ZNF462: variants seen among roughly 807,000 people sequenced by gnomAD.
ZNF462 encodes zinc finger PBX1-interacting protein.
Under a neutral mutation model 201.9 loss-of-function variants are expected in ZNF462, and 10 were observed. The ratio of observed to expected loss-of-function variants is 0.05; its 90% CI spans 0.03 to 0.08. ZNF462 has a LOEUF of 0.08. ZNF462 is among the 10% of genes least tolerant of loss of function. The pLI is 1.00. For synonymous variants in ZNF462, 1,227 were observed against 1,193.3 expected (o/e 1.03, Z -0.58); for missense variants, 2,523 against 3,168.3 (o/e 0.80, Z 4.89).
chr9:106,939,132 A>T (rs774173642), intron 7 of ZNF462, 25 bp downstream of exon 7: 1 of 1,560,938 alleles, frequency 6.4e-7, no homozygotes, highest in Non-Finnish European at 8.7e-7. Flanking sequence ...CCAAGCTGGA[A>T]TTAACCACTC....
rs1015818944 is a variant in ZNF462 at position 106,923,017 on chromosome 9, C to T, written c.-30-337C>T. On this transcript the variant is annotated intron_variant, in intron 1 of 12. Transcript: ENST00000277225. This position sits in a 1 kb window ranked among gnomAD's most constrained non-coding sequence, Gnocchi z 5.6. ...GAGTCCAAGGCAGAACCAAAGCCAA[C>T]ATTAAGTTACCAAGAAATTTGGATT... 6.6e-6 allele frequency among the ~76,000 whole-genome samples: 1 copy of T among 152,204 alleles called. No individual in the cohort carries two copies. The highest frequency in any genetic ancestry group is 2.4e-5 in the African/African-American group (1 of 41,448).
rs1334577095 is a variant in ZNF462 at position 106,981,948 on chromosome 9, G to A, written c.6833-2238G>A. On this transcript the variant is annotated intron_variant, in intron 9 of 12. Coordinates refer to ENST00000277225, the MANE Select transcript of ZNF462 (RefSeq NM_021224.6). The surrounding 1 kb of genome is among the most constrained non-coding windows in gnomAD (Gnocchi z 4.0). ...AAAGAATGAAAGTAGAAACAGTAGA[G>A]ATGATAACATATAAATGAGGAACTA... is the stretch of plus-strand genomic sequence containing the variant. Among the ~76,000 whole-genome samples the A allele has an allele frequency of 1.3e-5, 2 of 152,192 alleles. No homozygotes were observed. Among genetic ancestry groups the A allele is most frequent in the Non-Finnish European group, 2.9e-5 (2 of 68,034 alleles).
In ZNF462 at chr9:106,950,550, T is replaced by C. The variant is rs778485331; in HGVS notation, c.6427+11443T>C. 2.6e-5 allele frequency among the ~76,000 whole-genome samples: 4 copies of C among 152,178 alleles called. No homozygotes were observed. Among genetic ancestry groups the C allele is most frequent in the Non-Finnish European group, 2.9e-5 (2 of 68,022 alleles). ...TGAGGAAATTCACATCTACCTTGCA[T>C]GTAAGCAAGAGTAATGCCATCAATA... On this transcript the variant is annotated intron_variant, in intron 7 of 12. Coordinates refer to ENST00000277225, the MANE Select transcript of ZNF462 (RefSeq NM_021224.6). The surrounding 1 kb of genome is among the most constrained non-coding windows in gnomAD (Gnocchi z 4.1).
Position 106,925,459 on chromosome 9 carries a change from G to A in ZNF462, c.1547G>A (p.Gly516Asp). 1 of 1,614,156 alleles carries A rather than the reference G, an allele frequency of 6.2e-7. No homozygotes were observed. Residue 516 changes from glycine to aspartate, a missense_variant, in exon 3 of 13, where the codon GGT (glycine) becomes GAT (aspartate). Transcript: ENST00000277225. This position sits in a 1 kb window ranked among gnomAD's most constrained non-coding sequence, Gnocchi z 7.9. ...SESISSSLNEGVVSYESSSIN... is the reference protein window; with the variant it reads ...SESISSSLNEDVVSYESSSIN... ...AGCATTTCTTCCTCACTGAATGAAG[G>A]TGTGGTGTCTTATGAGAGCTCAAGC... is the stretch of plus-strand genomic sequence containing the variant.
intron 7 of ZNF462, among the ~76,000 whole-genome samples, chr9:106,965,960 C>T (rs1246093248): frequency 6.6e-6 from 1 of 152,056 alleles, no homozygotes; most frequent in South Asian, 2.1e-4. Flanking sequence ...TGCCCTCTTA[C>T]CTTTGTTTGT....
chr9:106,925,157 G>A lies in ZNF462; in HGVS notation c.1245G>A (p.Gln415=), dbSNP rs1830139687. The A allele has an allele frequency of 2.5e-6, 4 of 1,614,218 alleles. 1 individual carries two copies. In the South Asian group the frequency reaches 4.4e-5, roughly 18 times the overall value. The change falls in exon 3 of 13, where the codon CAG becomes CAA. Residue 415 remains glutamine, a synonymous_variant. Transcript: ENST00000277225. This position sits in a 1 kb window ranked among gnomAD's most constrained non-coding sequence, Gnocchi z 7.9. ...DHQTSGLSAE[Q]LMGSDGNKLL... ...AGACATCAGGCCTGTCTGCAGAGCAGCTGATGGGCTCAGATGGCAACAAAT... is the reference window on the plus strand; with the variant it reads ...AGACATCAGGCCTGTCTGCAGAGCAACTGATGGGCTCAGATGGCAACAAAT...
At chr9:106,864,095 T>TCC (rs1564062729) in intron 1 of ZNF462, among the ~76,000 whole-genome samples, 8 of 113,642 alleles carry the variant, frequency 7.0e-5, no homozygotes, top group African/African-American at 2.5e-4. Flanking sequence ...TCTCTCTCTC[T>TCC]CTCTCTCTCT....
rs1438396362 is a variant in ZNF462 at position 106,884,114 on chromosome 9, C to T, written c.-31+20759C>T. 2.0e-5 allele frequency among the ~76,000 whole-genome samples: 3 copies of T among 152,252 alleles called. 1 individual carries two copies. Among genetic ancestry groups the T allele is most frequent in the Non-Finnish European group, 2.9e-5 (2 of 68,012 alleles). Reference sequence around the variant, plus strand: ...AACCAGGCTGATCTTCAGAATTATTCTGAGAACTTAGAAACAAAAAGGGAT... The same window carrying T: ...AACCAGGCTGATCTTCAGAATTATTTTGAGAACTTAGAAACAAAAAGGGAT... On this transcript the variant is annotated intron_variant, in intron 1 of 12. Coordinates refer to ENST00000277225, the MANE Select transcript of ZNF462 (RefSeq NM_021224.6).
Position 106,863,552 on chromosome 9 carries a change from A to AG in ZNF462, c.-31+200dup, listed in dbSNP as rs1733194157. On this transcript the variant is annotated intron_variant, in intron 1 of 12. Coordinates refer to ENST00000277225, the MANE Select transcript of ZNF462 (RefSeq NM_021224.6). ...GAGAGAGAAGAGGAGGAGGGGGAGGAGGGAGAGCAGGAGGGGGAGGAGGAA... is the reference window on the plus strand; with the variant it reads ...GAGAGAGAAGAGGAGGAGGGGGAGGAGGGGAGAGCAGGAGGGGGAGGAGGAA... Among the ~76,000 whole-genome samples the AG allele has an allele frequency of 2.3e-5, 3 of 133,256 alleles. No homozygotes were observed. The South Asian group carries it at 8.0e-4, about 36-fold the overall frequency. The allele number at this position is 133,256 out of a possible 152,430, so 87.4% of individuals were successfully genotyped here. A position where few individuals can be genotyped will look rare whatever the true frequency, so the allele number is the denominator to read the frequency against.
chr9:106,921,965 C>G (rs1286718823), intron 1 of ZNF462, among the ~76,000 whole-genome samples: 5 of 152,194 alleles, frequency 3.3e-5, no homozygotes, highest in Admixed American at 3.3e-4. Flanking sequence ...CTGCGGCTCA[C>G]TCTGCAAGCT....
chr9:106,998,125 C>G (rs1828881510), intron 10 of ZNF462, among the ~76,000 whole-genome samples: 1 of 152,158 alleles, frequency 6.6e-6, no homozygotes, highest in African/African-American at 2.4e-5. Context: ...GCTGCACATT[C>G]TTTTTAACAT....
At chr9:106,863,546 G>C (rs1179740863) in intron 1 of ZNF462, among the ~76,000 whole-genome samples, 191 bp downstream of exon 1, 2 of 150,754 alleles carry the variant, frequency 1.3e-5, no homozygotes, top group Non-Finnish European at 3.0e-5. Flanking sequence ...GAGGAGGAGG[G>C]GGAGGAGGGA....
rs529136417 is a variant in ZNF462 at position 106,924,076 on chromosome 9, T to C, written c.221-57T>C. 17 of 1,403,424 alleles carry C rather than the reference T, an allele frequency of 1.2e-5. No individual in the cohort carries two copies. Among genetic ancestry groups the C allele is most frequent in the Middle Eastern group, 1.8e-4 (1 of 5,430 alleles). The allele number at this position is 1,403,424 out of a possible 1,614,324, so 86.9% of individuals were successfully genotyped here. ...ATAATTGGAATGGTACTGATTTGCA[T>C]GATTGGATATTTTAATTATCTTTTG... is the stretch of plus-strand genomic sequence containing the variant. On this transcript the variant is annotated intron_variant, in intron 2 of 12. Transcript: ENST00000277225. This position sits in a 1 kb window ranked among gnomAD's most constrained non-coding sequence, Gnocchi z 6.2.
chr9:106,899,755 C>G (rs959906628), intron 1 of ZNF462, among the ~76,000 whole-genome samples: 7 of 152,164 alleles, frequency 4.6e-5, no homozygotes, highest in Non-Finnish European at 7.4e-5. Flanking sequence ...TGCATAACAA[C>G]AGCTCATTCT....
upstream of ZNF462, among the ~76,000 whole-genome samples, chr9:106,861,729 G>C (rs996815185): frequency 2.6e-5 from 4 of 152,158 alleles, no homozygotes; most frequent in Non-Finnish European, 4.4e-5. Flanking sequence ...AACCGTAGGA[G>C]ACTTTCGACC....
At chr9:106,871,225 G>A (rs1205494832) in intron 1 of ZNF462, among the ~76,000 whole-genome samples, 1 of 152,216 alleles carries the variant, frequency 6.6e-6, no homozygotes, top group Non-Finnish European at 1.5e-5. Flanking sequence ...AGCTTTGGAA[G>A]GCACCTGTGA....
At chr9:106,983,467 TA>T (rs577221703) in intron 9 of ZNF462, among the ~76,000 whole-genome samples, 153 of 152,288 alleles carry the variant, frequency 1.0e-3, no homozygotes, top group Non-Finnish European at 4.4e-4. Context: ...GACTTGATAT[TA>T]GATGAGAAAT....
At chr9:106,866,243 A>G (rs1213479373) in intron 1 of ZNF462, among the ~76,000 whole-genome samples, 1 of 152,230 alleles carries the variant, frequency 6.6e-6, no homozygotes, top group Non-Finnish European at 1.5e-5. Context: ...ATTATGTGTC[A>G]GATTTTTTTG....
In ZNF462 at chr9:106,890,466, TATC is replaced by T. The variant is rs1415565937; in HGVS notation, c.-31+27114_-31+27116del. On this transcript the variant is annotated intron_variant, in intron 1 of 12. Transcript: ENST00000277225. This position sits in a 1 kb window ranked among gnomAD's most constrained non-coding sequence, Gnocchi z 4.2. ...TAGCACTTGAAGCCACTTAATCAAA[TATC>T]ATATCCACACACCTGCAGTTCTTTC... 6.6e-6 allele frequency among the ~76,000 whole-genome samples: 1 copy of T among 152,198 alleles called. No individual in the cohort carries two copies. Among genetic ancestry groups the T allele is most frequent in the Non-Finnish European group, 1.5e-5 (1 of 68,030 alleles).
Sources: gnomAD v4.1 joint callset for allele counts (sites outside exome capture counted in the v4.1 genomes callset) on GRCh38, gnomAD v4.1.1 for gene constraint, Gnocchi (gnomAD v3.1) non-coding constraint, MANE v1.5 for transcripts, NCBI Gene and HGNC (gene_info 2026-07-23, HGNC 2026-07-21) for gene names.